PCDHA2: variants seen among roughly 807,000 people sequenced by gnomAD.
PCDHA2 encodes protocadherin alpha 2.
In PCDHA2, 58 loss-of-function variants were observed where a neutral mutation model predicts 66.0. The ratio of observed to expected loss-of-function variants is 0.88; its 90% confidence interval spans 0.71 to 1.09. The LOEUF (loss-of-function observed/expected upper bound fraction) is 1.09. Ranked by LOEUF, PCDHA2 falls within the 50% of genes least tolerant of loss-of-function variation. PCDHA2 has a pLI of 0.00. For synonymous variants in PCDHA2, 634 were observed against 554.0 expected (o/e 1.14, Z -2.03); for missense variants, 1,267 against 1,242.3 (o/e 1.02, Z -0.30).
rs1554123386 is a variant in PCDHA2 at position 140,805,473 on chromosome 5, T to C, written c.2388+8121T>C. The C allele has an allele frequency of 7.0e-6, 7 of 1,001,662 alleles. 1 individual carries two copies. The South Asian group carries it at 1.3e-4, about 19-fold the overall frequency. The allele number at this position is 1,001,662 out of a possible 1,614,324, so 62.0% of individuals were successfully genotyped here. ...TGTTTGTGTGAGTGTAGTTCTTCAA[T>C]AGAGAGGGAGCGTAAAGCTATTTTC... On this transcript the variant is annotated intron_variant, in intron 1 of 3. Coordinates refer to ENST00000526136, the MANE Select transcript of PCDHA2 (RefSeq NM_018905.3).
chr5:140,807,771 T>C lies in PCDHA2; in HGVS notation c.2388+10419T>C, dbSNP rs782033818. 6.2e-6 allele frequency: 10 copies of C among 1,614,170 alleles called. No individual in the cohort carries two copies. The South Asian group carries it at 9.9e-5, about 16-fold the overall frequency. On this transcript the variant is annotated intron_variant, in intron 1 of 3. Coordinates refer to ENST00000526136, the MANE Select transcript of PCDHA2 (RefSeq NM_018905.3). ...GAGCTGGTAAAAGGTCTTGGGCTTA[T>C]ATTACGGAAATCTTTAGACAGAGAA...
chr5:140,802,814 T>C lies in PCDHA2; in HGVS notation c.2388+5462T>C, dbSNP rs145590069. ...TGCAGTTCCAGGTGAGTGCGCGCGA[T>C]GCGGGCGTGCCGCCTCTGGGCAGCA... On this transcript the variant is annotated intron_variant, in intron 1 of 3. Coordinates refer to ENST00000526136, the MANE Select transcript of PCDHA2 (RefSeq NM_018905.3). 4.2e-4 allele frequency: 679 copies of C among 1,613,428 alleles called. 2 individuals are homozygous for C. In the African/African-American group the frequency reaches 8.4e-3, roughly 20 times the overall value.
chr5:140,877,467 G>A (rs1554169776), intron 1 of PCDHA2: 1 of 1,613,750 alleles, frequency 6.2e-7, no homozygotes, highest in African/African-American at 1.3e-5. Flanking sequence ...CGGCCACGGT[G>A]CTGGTGTCGC....
rs957445106 is a variant in PCDHA2, at chr5:140,980,862, G to A, written c.2448-1613G>A. Among the ~76,000 whole-genome samples the A allele has an allele frequency of 5.1e-4, 77 of 152,202 alleles. 2 individuals are homozygous for A. Among genetic ancestry groups the A allele is most frequent in the African/African-American group, 1.7e-3 (72 of 41,546 alleles). ...AATAATACTAATCTTTTTCGTATGT[G>A]TGCTTGGGTGTTCTCGGTCTTTCCA... On this transcript the variant is annotated intron_variant, in intron 2 of 3. Coordinates refer to ENST00000526136, the MANE Select transcript of PCDHA2 (RefSeq NM_018905.3).
At chr5:140,829,655 C>T (rs1581885060) in intron 1 of PCDHA2, 2 of 1,612,510 alleles carry the variant, frequency 1.2e-6, no homozygotes, top group Non-Finnish European at 8.5e-7. Flanking sequence ...CGCGCTGCAG[C>T]CGCTGGACCA....
chr5:140,797,422 A>G (rs782182142), intron 1 of PCDHA2, 70 bp downstream of exon 1: 9 of 1,470,882 alleles, frequency 6.1e-6, no homozygotes, highest in Admixed American at 1.9e-5. Context: ...GATTTCTACT[A>G]GTTATTTAGA....
chr5:140,993,943 A>C (rs1055382423), intron 3 of PCDHA2, among the ~76,000 whole-genome samples: 1 of 152,220 alleles, frequency 6.6e-6, no homozygotes, highest in Admixed American at 6.5e-5. Flanking sequence ...CCCCATTGTT[A>C]AGTGATACAT....
intron 1 of PCDHA2, chr5:140,829,432 C>T (rs1446310699): frequency 2.5e-6 from 4 of 1,613,988 alleles, no homozygotes; most frequent in Non-Finnish European, 3.4e-6. Context: ...AGGTGGCCGA[C>T]ATGAATGACA....
At position 140,855,877 on chromosome 5, in the gene PCDHA2, C is replaced by A. The variant is rs577890350; in HGVS notation, c.2388+58525C>A. ...GATGTCGCTGTCGTCCACAAAATAG[C>A]TTTTTAGAACAAAGGCATCAGCCAG... is the stretch of plus-strand genomic sequence containing the variant. On this transcript the variant is annotated intron_variant, in intron 1 of 3. Coordinates refer to ENST00000526136, the MANE Select transcript of PCDHA2 (RefSeq NM_018905.3). 6.7e-6 allele frequency: 6 copies of A among 896,996 alleles called. 1 individual carries two copies. Among genetic ancestry groups the A allele is most frequent in the Non-Finnish European group, 9.9e-6 (6 of 604,068 alleles). 55.6% of individuals were successfully genotyped at this position (896,996 alleles called of 1,614,324 possible).
At chr5:140,884,252 A>T (rs782059444) in intron 1 of PCDHA2, 36 of 1,613,334 alleles carry the variant, frequency 2.2e-5, no homozygotes, top group Non-Finnish European at 2.9e-5. Context: ...GCTGACGGCC[A>T]CGGCAACGGT....
At chr5:140,844,253 T>C (rs1269876279) in intron 1 of PCDHA2, among the ~76,000 whole-genome samples, 1 of 149,786 alleles carries the variant, frequency 6.7e-6, no homozygotes, top group Admixed American at 6.7e-5. Context: ...TTTTAAGCAG[T>C]GTAGTGATAA....
intron 1 of PCDHA2, chr5:140,871,176 G>T: frequency 6.2e-7 from 1 of 1,613,534 alleles, no homozygotes; most frequent in African/African-American, 1.3e-5. Context: ...CAGAGGCTGC[G>T]CTGGTGGATG....
Position 140,965,232 on chromosome 5 carries a change from G to T in PCDHA2, c.2389-13717G>T, listed in dbSNP as rs192008157. ...TCCTGTGGAAGAAATGTGAGAACCT[G>T]GGAAGAGTGAATATTCAGAACTGAG... On this transcript the variant is annotated intron_variant, in intron 1 of 3. Coordinates refer to ENST00000526136, the MANE Select transcript of PCDHA2 (RefSeq NM_018905.3). Among the ~76,000 whole-genome samples, 4 of 152,312 alleles carry T rather than the reference G, an allele frequency of 2.6e-5. No individual in the cohort carries two copies. In the East Asian group the frequency reaches 7.7e-4, roughly 29 times the overall value.
At chr5:140,963,303 G>A (rs2153735006) in intron 1 of PCDHA2, among the ~76,000 whole-genome samples, 1 of 152,286 alleles carries the variant, frequency 6.6e-6, no homozygotes, top group South Asian at 2.1e-4. Flanking sequence ...GAGAAAATAA[G>A]AAGCTGTTTG....
rs555901931 is a variant in PCDHA2 at position 140,802,464 on chromosome 5, C to T, written c.2388+5112C>T. The T allele has an allele frequency of 1.5e-5, 24 of 1,614,212 alleles. No homozygotes were observed. In the East Asian group the frequency reaches 5.1e-4, roughly 34 times the overall value. The stretch of plus-strand genomic sequence containing the variant: ...CCGCGAGAGCGTGTCGGCCTATGAG[C>T]TGGTGGTGACTGCTCGGGACGGGGG... On this transcript the variant is annotated intron_variant, in intron 1 of 3. Coordinates refer to ENST00000526136, the MANE Select transcript of PCDHA2 (RefSeq NM_018905.3).
chr5:140,892,061 T>C (rs1445819046), intron 1 of PCDHA2, among the ~76,000 whole-genome samples: 1 of 152,254 alleles, frequency 6.6e-6, no homozygotes, highest in Non-Finnish European at 1.5e-5. Context: ...AATTTATTGT[T>C]ACTTTGTATA....
intron 1 of PCDHA2, chr5:140,856,894 T>C (rs1389376451): frequency 6.3e-7 from 1 of 1,596,592 alleles, no homozygotes; most frequent in Non-Finnish European, 8.6e-7. Context: ...CATTTAGCTC[T>C]TTGGTCCCAC....
intron 1 of PCDHA2, chr5:140,967,773 A>C (rs1285230643): frequency 1.9e-6 from 3 of 1,614,108 alleles, no homozygotes; most frequent in Non-Finnish European, 1.7e-6. Context: ...ATCTATGTGC[A>C]GGCGACTGAC....
intron 1 of PCDHA2, among the ~76,000 whole-genome samples, chr5:140,923,834 T>G (rs2081542074): frequency 6.6e-6 from 1 of 152,210 alleles, no homozygotes; most frequent in South Asian, 2.1e-4. Flanking sequence ...AGTGGCAGTT[T>G]AAATAGAGAA....
Sources: gnomAD v4.1 joint callset for allele counts (sites outside exome capture counted in the v4.1 genomes callset) on GRCh38, gnomAD v4.1.1 for gene constraint, MANE v1.5 for transcripts, NCBI Gene and HGNC (gene_info 2026-07-23, HGNC 2026-07-21) for gene names.